MYT1L: variants seen among roughly 807,000 people sequenced by gnomAD.
MYT1L encodes myelin transcription factor 1-like protein.
A neutral mutation model predicts 126.7 loss-of-function variants in MYT1L; 12 were observed. The observed-to-expected ratio is 0.09, with a 90% CI of 0.06 to 0.15. The LOEUF is 0.15. Among genes scored for constraint, MYT1L ranks in the 10% least tolerant of loss-of-function variants. The pLI is 1.00. For missense variants in MYT1L, 979 were observed against 1,585.2 expected, an observed-to-expected ratio of 0.62 and a Z score of 6.49; for synonymous variants, 541 against 604.2, an observed-to-expected ratio of 0.90 and a Z score of 1.53.
intron 5 of MYT1L, among the ~76,000 whole-genome samples, chr2:1,980,782 T>C (rs2060548833): frequency 6.6e-6 from 1 of 152,116 alleles, no homozygotes; most frequent in Admixed American, 6.6e-5. Context: ...TGTTGCGTGG[T>C]AAATATATAC....
chr2:1,892,148 G>A lies in MYT1L; in HGVS notation c.2172C>T (p.His724=), dbSNP rs1198596415. ...TCSKSSFDYT[H]DMEAAHMAAT... ...CCGCCATGTGGGCCGCCTCCATGTCGTGCGTGTAGTCGAAGCTGCTCTTGC... is the reference window on the plus strand; with the variant it reads ...CCGCCATGTGGGCCGCCTCCATGTCATGCGTGTAGTCGAAGCTGCTCTTGC... The change falls in exon 15 of 25, where the codon CAC becomes CAT. Residue 724 remains histidine, a synonymous_variant. Transcript: ENST00000647738. 4.5e-6 allele frequency: 7 copies of A among 1,548,482 alleles called. No homozygotes were observed. In the Admixed American group the frequency reaches 5.9e-5, roughly 13 times the overall value.
intron 11 of MYT1L, among the ~76,000 whole-genome samples, chr2:1,915,489 TC>T (rs1268388322): frequency 3.3e-5 from 5 of 152,258 alleles, no homozygotes; most frequent in Middle Eastern, 3.4e-3. Flanking sequence ...CAGAAGAATT[TC>T]CCATCCATAA....
In MYT1L at chr2:1,984,505, A is replaced by ATTT. The variant is rs35510686; in HGVS notation, c.1-4731_1-4729dup. On this transcript the variant is annotated intron_variant, in intron 5 of 24. Coordinates refer to ENST00000647738, the MANE Select transcript of MYT1L (RefSeq NM_001303052.2). ...AGCCATGGTACCTGGCCAAGAACTA[A>ATTT]TTTTTTTTTTTTTTTTTTTTTTGAG... Among the ~76,000 whole-genome samples the ATTT allele has an allele frequency of 3.1e-3, 350 of 114,218 alleles. 6 individuals carry two copies. Among genetic ancestry groups the ATTT allele is most frequent in the African/African-American group, 7.8e-3 (209 of 26,886 alleles). The allele number at this position is 114,218 out of a possible 152,430, so 74.9% of individuals were successfully genotyped here.
chr2:2,311,100 C>T (rs542629460), intron 1 of MYT1L, among the ~76,000 whole-genome samples: 5 of 152,176 alleles, frequency 3.3e-5, no homozygotes, highest in East Asian at 3.9e-4. Context: ...TTCTTGTGGT[C>T]CCTCCAGACC....
At chr2:1,890,870 A>T (rs2048780148) in intron 15 of MYT1L, among the ~76,000 whole-genome samples, 1 of 152,150 alleles carries the variant, frequency 6.6e-6, no homozygotes, top group African/African-American at 2.4e-5. Flanking sequence ...ATTCTGCCTG[A>T]ACTCTCTTTG....
chr2:2,011,870 G>C (rs1360083381), intron 4 of MYT1L, among the ~76,000 whole-genome samples: 1 of 152,236 alleles, frequency 6.6e-6, no homozygotes, highest in Non-Finnish European at 1.5e-5. Context: ...ATGAGATGCT[G>C]ACAAGTGCTG....
intron 9 of MYT1L, among the ~76,000 whole-genome samples, chr2:1,926,449 T>C (rs1470451840): frequency 1.3e-5 from 2 of 152,192 alleles, no homozygotes; most frequent in Admixed American, 6.5e-5. Flanking sequence ...GCATGGGCTA[T>C]GGGAACTAGA....
At chr2:2,212,401 T>C (rs2093553450) in intron 2 of MYT1L, among the ~76,000 whole-genome samples, 1 of 152,182 alleles carries the variant, frequency 6.6e-6, no homozygotes, top group African/African-American at 2.4e-5. Context: ...ATAAAAAGCA[T>C]GAATAACTAA....
At position 2,331,083 on chromosome 2, in the gene MYT1L, G is replaced by A. The variant is rs1294403168; in HGVS notation, c.-637C>T. ...TGTTCCACCACAAGTTTGAAAGGAT[G>A]ATGAGACACATGCATGCCACCAAGA... On this transcript the variant is annotated 5_prime_UTR_variant, in exon 1 of 25. Coordinates refer to ENST00000647738, the MANE Select transcript of MYT1L (RefSeq NM_001303052.2). 1 of 151,848 alleles carries A rather than the reference G, an allele frequency of 6.6e-6. No homozygotes were observed. Among genetic ancestry groups the A allele is most frequent in the Non-Finnish European group, 1.5e-5 (1 of 67,886 alleles). 9.4% of individuals were successfully genotyped at this position (151,848 alleles called of 1,614,324 possible). A position where few individuals can be genotyped will look rare whatever the true frequency, so the allele number is the denominator to read the frequency against.
chr2:2,058,663 T>A lies in MYT1L; in HGVS notation c.-303-4540A>T, dbSNP rs140670335. ...AACACTAATTTATTAGGTAAAAACA[T>A]TTTAAGTAAGTCTTTTTTCTAACAC... On this transcript the variant is annotated intron_variant, in intron 3 of 24. Coordinates refer to ENST00000647738, the MANE Select transcript of MYT1L (RefSeq NM_001303052.2). 5.9e-5 allele frequency among the ~76,000 whole-genome samples: 9 copies of A among 152,342 alleles called. No homozygotes were observed. In the East Asian group the frequency reaches 1.7e-3, roughly 29 times the overall value.
At position 2,277,310 on chromosome 2, in the gene MYT1L, C is replaced by A. The variant is rs1384774732; in HGVS notation, c.-421+7094G>T. On this transcript the variant is annotated intron_variant, in intron 2 of 24. Transcript: ENST00000647738. ...TTTTCCAAAATGCTCCATCTTTACT[C>A]ATCTTTTCACCCTTCATACCCGATG... Among the ~76,000 whole-genome samples, 31 of 152,232 alleles carry A rather than the reference C, an allele frequency of 2.0e-4. 1 individual carries two copies. Among genetic ancestry groups the A allele is most frequent in the Non-Finnish European group, 1.5e-5 (1 of 68,046 alleles).
chr2:2,152,415 T>C (rs201363926), intron 3 of MYT1L, among the ~76,000 whole-genome samples: 1 of 152,194 alleles, frequency 6.6e-6, no homozygotes, highest in East Asian at 1.9e-4. Context: ...TGGTGAGTAG[T>C]TGAAACCTCA....
chr2:1,898,579 G>C (rs554437244), intron 14 of MYT1L, among the ~76,000 whole-genome samples: 1 of 152,202 alleles, frequency 6.6e-6, no homozygotes, highest in Admixed American at 6.5e-5. Context: ...CTGCAGACCC[G>C]GCCTGTGACC....
chr2:1,939,959 T>G (rs979063876), intron 9 of MYT1L, among the ~76,000 whole-genome samples: 3 of 152,244 alleles, frequency 2.0e-5, no homozygotes, highest in African/African-American at 4.8e-5. Context: ...TTTGTTTGCC[T>G]TAGAAATCAA....
intron 14 of MYT1L, among the ~76,000 whole-genome samples, chr2:1,899,818 T>C (rs911068855): frequency 9.9e-5 from 15 of 152,190 alleles, no homozygotes; most frequent in African/African-American, 3.6e-4. Context: ...AGGGAAGGCA[T>C]GATAGACTGA....
intron 4 of MYT1L, among the ~76,000 whole-genome samples, chr2:2,005,783 T>TGCCTTCTTTCCTGC (rs2063239506): frequency 7.1e-6 from 1 of 140,122 alleles, no homozygotes; most frequent in African/African-American, 2.6e-5. Context: ...TTCTTTCCTG[T>TGCCTTCTTTCCTGC]GTGCGTTCTT....
intron 3 of MYT1L, among the ~76,000 whole-genome samples, chr2:2,110,249 C>T (rs66471638): frequency 0.39 from 59,671 of 151,638 alleles, 12,258 homozygotes; most frequent in African/African-American, 0.52. Flanking sequence ...ACATACAGTG[C>T]TCCAGTACCT....
At position 1,943,068 on chromosome 2, in the gene MYT1L, T is replaced by C; in HGVS notation, c.419A>G (p.Glu140Gly). The C allele has an allele frequency of 6.8e-7, 1 of 1,463,260 alleles. No individual in the cohort carries two copies. Among genetic ancestry groups the C allele is most frequent in the South Asian group, 1.2e-5 (1 of 82,230 alleles). 90.6% of individuals were successfully genotyped at this position (1,463,260 alleles called of 1,614,324 possible). The change falls in exon 9 of 25, where the codon GAG becomes GGG. Residue 140 changes from glutamate (E) to glycine (G), a missense_variant. This residue lies in a region of MYT1L where 111 missense variants were observed against 115.9 expected (regional missense o/e 0.96). Transcript: ENST00000647738. This position sits in a 1 kb window ranked among gnomAD's most constrained non-coding sequence, Gnocchi z 4.4. ...EEEEEIEEED[E>G]DDDEDGEDVE... Reference sequence around the variant, plus strand: ...ATCTTCTCCATCCTCGTCATCGTCCTCATCCTCCTCCTCGATCTCCTCCTC... The same window carrying C: ...ATCTTCTCCATCCTCGTCATCGTCCCCATCCTCCTCCTCGATCTCCTCCTC...
chr2:1,797,030 T>C (rs2147850161), intron 23 of MYT1L, among the ~76,000 whole-genome samples: 1 of 152,298 alleles, frequency 6.6e-6, no homozygotes, highest in Admixed American at 6.5e-5. Context: ...TGGTGTGAAC[T>C]GAGTTGAATC....
Sources: allele counts gnomAD v4.1 joint callset (sites outside exome capture counted in the v4.1 genomes callset), GRCh38; gene constraint gnomAD v4.1.1; regional missense constraint gnomAD v4.1.1; non-coding constraint Gnocchi (gnomAD v3.1); transcripts MANE v1.5; gene names NCBI Gene and HGNC (gene_info 2026-07-23, HGNC 2026-07-21).